The following MID1 variants were observed in gnomAD, a reference collection of about 807,000 sequenced individuals.
MID1 encodes midline 1, also known as E3 ubiquitin-protein ligase Midline-1.
MID1 carries 7 observed loss-of-function variants against 40.4 expected under a neutral mutation model. That is an observed-to-expected ratio of 0.17 (90% CI 0.10 to 0.33). The LOEUF (loss-of-function observed/expected upper bound fraction) is 0.33, where lower values mean the gene tolerates loss of function less well. Ranked by LOEUF, MID1 falls within the 10% of genes least tolerant of loss-of-function variation. The probability of loss-of-function intolerance (pLI) is 1.00; values close to 1 mark genes in which losing one functional copy is unlikely to be tolerated. For missense variants in MID1, 367 were observed against 558.5 expected (o/e 0.66, Z 3.46); for synonymous variants, 229 against 221.2 (o/e 1.04, Z -0.31).
intron 1 of MID1, among the ~76,000 whole-genome samples, chrX:10,710,693 C>T (rs1344339653): frequency 2.7e-5 from 3 of 111,299 alleles, no homozygotes; most frequent in African/African-American, 9.8e-5. Context: ...TGCTGACAAA[C>T]ATTGACTGAT....
chrX:10,572,633 T>C (rs1488567518), intron 1 of MID1, among the ~76,000 whole-genome samples: 2 of 108,325 alleles, frequency 1.8e-5, no homozygotes, highest in Non-Finnish European at 3.8e-5. Flanking sequence ...TAATGTAATT[T>C]CCATGCCTCA....
At chrX:10,707,039 G>A (rs2043236005) in intron 1 of MID1, among the ~76,000 whole-genome samples, 1 of 112,084 alleles carries the variant, frequency 8.9e-6, no homozygotes, top group Non-Finnish European at 1.9e-5. Flanking sequence ...GGTCTTGCTA[G>A]GTTTGATATG....
chrX:10,647,609 G>A (rs1602494681), intron 1 of MID1, among the ~76,000 whole-genome samples: 2 of 111,963 alleles, frequency 1.8e-5, no homozygotes, highest in African/African-American at 6.5e-5. Flanking sequence ...TCTGCTCACA[G>A]TGCCACAAAT....
chrX:10,588,677 C>G (rs919670349), intron 1 of MID1, among the ~76,000 whole-genome samples: 11 of 109,997 alleles, frequency 1.0e-4, no homozygotes, highest in Non-Finnish European at 1.7e-4. Context: ...CTCTTTCTGC[C>G]TCTCTCTTTC....
At chrX:10,584,972 T>C (rs188952417) in intron 1 of MID1, among the ~76,000 whole-genome samples, 242 of 110,837 alleles carry the variant, frequency 2.2e-3, no homozygotes, top group Non-Finnish European at 3.1e-3. Context: ...GAGAGGGTCA[T>C]GATCAATTGA....
At chrX:10,473,223 A>G (rs1000131944) in intron 6 of MID1, among the ~76,000 whole-genome samples, 13 of 113,053 alleles carry the variant, frequency 1.1e-4, no homozygotes, top group Non-Finnish European at 5.6e-5. Flanking sequence ...ATCTATCATC[A>G]TAGAAAGTTT....
chrX:10,514,149 C>T (rs1406012421), intron 3 of MID1, among the ~76,000 whole-genome samples: 3 of 111,784 alleles, frequency 2.7e-5, no homozygotes, highest in African/African-American at 6.5e-5. Flanking sequence ...TTCAGAGGCA[C>T]GTACAAGTGT....
intron 2 of MID1, among the ~76,000 whole-genome samples, chrX:10,543,776 A>T (rs1288181849): frequency 9.0e-6 from 1 of 110,731 alleles, no homozygotes; most frequent in Non-Finnish European, 1.9e-5. Context: ...CCGGGAAGCA[A>T]AGGCTGCAGT....
At position 10,601,899 on chromosome X, in the gene MID1, TTG is replaced by T. The variant is rs1479786899; in HGVS notation, c.-57+18389_-57+18390del. 2.0e-3 allele frequency among the ~76,000 whole-genome samples: 207 copies of T among 104,996 alleles called. 1 individual carries two copies. The highest frequency in any genetic ancestry group is 7.4e-3 in the African/African-American group (199 of 27,054). 91.2% of individuals were successfully genotyped at this position (104,996 alleles called of 115,157 possible). ...GGAGTTTTTGTTTTTGTTTTTGTTT[TTG>T]TTTTTTTTTTTTTGAGACAGAGTCT... On this transcript the variant is annotated intron_variant, in intron 1 of 9. Coordinates refer to ENST00000317552, the MANE Select transcript of MID1 (RefSeq NM_000381.4).
chrX:10,750,761 C>T (rs1024382042), intron 1 of MID1, among the ~76,000 whole-genome samples: 15 of 111,668 alleles, frequency 1.3e-4, no homozygotes, highest in South Asian at 3.7e-4. Flanking sequence ...TTGCTACCCA[C>T]GAAAATCTGA....
Position 10,584,408 on chromosome X carries a change from G to C in MID1, c.-56-16805C>G, listed in dbSNP as rs1463770040. Reference sequence around the variant, plus strand: ...ATGTACAGTTAAGCTTATAGGGATGGACAGGAAGGAAATGAATAGAGACAT... The same window carrying C: ...ATGTACAGTTAAGCTTATAGGGATGCACAGGAAGGAAATGAATAGAGACAT... On this transcript the variant is annotated intron_variant, in intron 1 of 9. Transcript: ENST00000317552. Among the ~76,000 whole-genome samples, 4 of 112,102 alleles carry C rather than the reference G, an allele frequency of 3.6e-5. No homozygotes were observed. In the East Asian group the frequency reaches 1.1e-3, roughly 31 times the overall value.
chrX:10,758,716 C>T (rs1295966850), intron 1 of MID1, among the ~76,000 whole-genome samples: 1 of 109,074 alleles, frequency 9.2e-6, no homozygotes, highest in Non-Finnish European at 1.9e-5. Context: ...TCTCGATCTC[C>T]TGACCTCATG....
At chrX:10,777,421 T>C (rs1227716441) in intron 1 of MID1, among the ~76,000 whole-genome samples, 3 of 109,411 alleles carry the variant, frequency 2.7e-5, no homozygotes, top group Non-Finnish European at 5.7e-5. Flanking sequence ...ATGGTCTCGA[T>C]CTCCTGACCT....
chrX:10,719,704 G>C (rs1156893530), intron 1 of MID1, among the ~76,000 whole-genome samples: 1 of 111,109 alleles, frequency 9.0e-6, no homozygotes, highest in Non-Finnish European at 1.9e-5. Flanking sequence ...TTACTTTAAA[G>C]TTCATATGGA....
chrX:10,758,378 A>G lies in MID1; in HGVS notation c.-187+75176T>C, dbSNP rs746344966. 4.6e-5 allele frequency among the ~76,000 whole-genome samples: 5 copies of G among 108,077 alleles called. No homozygotes were observed. The East Asian group carries it at 1.1e-3, about 25-fold the overall frequency. The allele number at this position is 108,077 out of a possible 115,157, so 93.9% of individuals were successfully genotyped here. On this transcript the variant is annotated intron_variant, in intron 1 of 10. Coordinates refer to the MID1 transcript ENST00000380785. ...TTTATTTGTTCTCCTTATTACCCTC[A>G]TCTGAATCTGTAGGCCACTGACAAA...
rs1180670969 is a variant in MID1, at chrX:10,523,123, G to T, written c.725C>A (p.Ala242Asp). The change falls in exon 3 of 10, where the codon GCT becomes GAT. Residue 242 changes from alanine (A) to aspartate (D), a missense_variant. Ala to Asp is a moderately radical substitution (Grantham distance 126, BLOSUM62 -2). Around this residue, in one of 3 missense-constraint regions of MID1, gnomAD observed 275 missense variants for 383.1 expected, o/e 0.72. Transcript: ENST00000317552. ...ATGTTGACAGGTTTGGATGAGTTTA[G>T]CCAAAAGGGTCTCCAGTTCTGTGTT... ...KRNTELETLL[A>D]KLIQTCQHVE... 1 of 1,204,273 alleles carries T rather than the reference G, an allele frequency of 8.3e-7. No homozygotes were observed. The highest frequency in any genetic ancestry group is 2.2e-5 in the Admixed American group (1 of 45,585).
chrX:10,704,739 T>TATATACACACAC (rs1233692170), intron 1 of MID1, among the ~76,000 whole-genome samples: 20 of 82,184 alleles, frequency 2.4e-4, no homozygotes, highest in African/African-American at 1.0e-3. Flanking sequence ...TATATATATA[T>TATATACACACAC]ACACACACAC....
At chrX:10,489,172 G>A (rs1930789755) in intron 4 of MID1, among the ~76,000 whole-genome samples, 1 of 111,325 alleles carries the variant, frequency 9.0e-6, no homozygotes, top group Non-Finnish European at 1.9e-5. Flanking sequence ...AAATATTTTC[G>A]CCTAGTTTGT....
intron 1 of MID1, among the ~76,000 whole-genome samples, chrX:10,634,108 A>G (rs1381568523): frequency 9.0e-6 from 1 of 111,658 alleles, no homozygotes; most frequent in Admixed American, 9.6e-5. Flanking sequence ...CTTTCTGGTA[A>G]CAAATATCCA....
Sources: gnomAD v4.1 joint callset for allele counts (sites outside exome capture counted in the v4.1 genomes callset) on GRCh38, gnomAD v4.1.1 for gene constraint, gnomAD v4.1.1 regional missense constraint, MANE v1.5 for transcripts, NCBI Gene and HGNC (gene_info 2026-07-23, HGNC 2026-07-21) for gene names.